Variants in UBE2E1 observed in about 807,000 individuals in gnomAD.
The protein encoded by UBE2E1 is ubiquitin conjugating enzyme E2 E1, also known as ubiquitin-conjugating enzyme E2 E1.
A neutral mutation model predicts 21.4 loss-of-function variants in UBE2E1; 6 were observed. The ratio of observed to expected loss-of-function variants is 0.28; its 90% confidence interval spans 0.15 to 0.55. UBE2E1 has a LOEUF of 0.55. Ranked by LOEUF, UBE2E1 falls within the 20% of genes least tolerant of loss-of-function variation. UBE2E1 has a pLI of 0.93. For missense variants in UBE2E1, 142 were observed against 236.5 expected (o/e 0.60, Z 2.62); for synonymous variants, 87 against 82.7 (o/e 1.05, Z -0.28).
At chr3:23,821,421 G>A (rs1699642288) in intron 3 of UBE2E1, among the ~76,000 whole-genome samples, 2 of 152,226 alleles carry the variant, frequency 1.3e-5, no homozygotes, top group African/African-American at 2.4e-5. Context: ...TATGTAAACC[G>A]TGCTAAGTAG....
intron 3 of UBE2E1, among the ~76,000 whole-genome samples, chr3:23,868,409 A>G (rs1173910692): frequency 6.6e-6 from 1 of 152,030 alleles, no homozygotes; most frequent in African/African-American, 2.4e-5. Flanking sequence ...CCTGGGTTCA[A>G]GCTATTCTCC....
chr3:23,865,687 G>A (rs189905855), intron 3 of UBE2E1, among the ~76,000 whole-genome samples: 2 of 152,282 alleles, frequency 1.3e-5, no homozygotes, highest in Admixed American at 1.3e-4. Flanking sequence ...TTCTCTGTTT[G>A]GGGATAATGC....
chr3:23,865,267 T>C (rs1300821273), intron 3 of UBE2E1, among the ~76,000 whole-genome samples: 1 of 152,204 alleles, frequency 6.6e-6, no homozygotes, highest in African/African-American at 2.4e-5. Context: ...AGGCCGCTCA[T>C]AGTTCTCTAG....
chr3:23,821,854 A>T (rs1382753078), intron 3 of UBE2E1, among the ~76,000 whole-genome samples: 3 of 152,176 alleles, frequency 2.0e-5, no homozygotes, highest in Non-Finnish European at 4.4e-5. Flanking sequence ...CCCATGAGGC[A>T]TCCAAATGAA....
At chr3:23,813,732 G>A (rs1347424476) in intron 3 of UBE2E1, among the ~76,000 whole-genome samples, 1 of 152,022 alleles carries the variant, frequency 6.6e-6, no homozygotes, top group Non-Finnish European at 1.5e-5. Flanking sequence ...GGGTAGAGAT[G>A]GGGTTTCACC....
rs189219905 is a variant in UBE2E1, at chr3:23,888,122, A to C, written c.336+423A>C. The stretch of plus-strand genomic sequence containing the variant: ...AGTCTGGGCAACAAAGCAAGACCCC[A>C]AAAAAAGGCAGGGCAGGTCAGGGGG... On this transcript the variant is annotated intron_variant, in intron 4 of 5. Transcript: ENST00000306627. 761 of 420,240 alleles carry C rather than the reference A, an allele frequency of 1.8e-3. 5 individuals are homozygous for C. The highest frequency in any genetic ancestry group is 0.013 in the African/African-American group (638 of 48,594). 26.0% of individuals were successfully genotyped at this position (420,240 alleles called of 1,614,324 possible).
chr3:23,889,665 C>CT, intron 5 of UBE2E1: 2 of 985,386 alleles, frequency 2.0e-6, no homozygotes, highest in Non-Finnish European at 2.4e-6. Context: ...TAGCTGGTCA[C>CT]TGAGATGGCA....
chr3:23,813,140 G>A (rs1699439069), intron 3 of UBE2E1, among the ~76,000 whole-genome samples: 1 of 152,136 alleles, frequency 6.6e-6, no homozygotes, highest in Admixed American at 6.5e-5. Context: ...AAACGTTTGG[G>A]AATTACCTGT....
At chr3:23,830,148 C>T (rs1240436486) in intron 3 of UBE2E1, among the ~76,000 whole-genome samples, 2 of 152,166 alleles carry the variant, frequency 1.3e-5, no homozygotes, top group African/African-American at 4.8e-5. Context: ...CTAATTCTTA[C>T]ATGCATGTGC....
At position 23,890,678 on chromosome 3, in the gene UBE2E1, GGGA is replaced by G; in HGVS notation, c.*75_*77del. ...GCTGCTTATGATTTTGAAGGGGTCA[GGGA>G]GGGTGGGAGTTGGTAAAGAGTAGGG... On this transcript the variant is annotated 3_prime_UTR_variant, in exon 6 of 6. Transcript: ENST00000306627. The G allele has an allele frequency of 3.1e-6, 4 of 1,270,174 alleles. No individual in the cohort carries two copies. In the South Asian group the frequency reaches 5.5e-5, roughly 18 times the overall value. 78.7% of individuals were successfully genotyped at this position (1,270,174 alleles called of 1,614,324 possible).
In UBE2E1 at chr3:23,876,785, C is replaced by T. The variant is rs761083084; in HGVS notation, c.204-10782C>T. On this transcript the variant is annotated intron_variant, in intron 3 of 5. Coordinates refer to ENST00000306627, the MANE Select transcript of UBE2E1 (RefSeq NM_003341.5). The surrounding 1 kb of genome is among the most constrained non-coding windows in gnomAD (Gnocchi z 4.3). ...AGAAAATCAGAACTGTGGCTCACTACTGTAATGTCAGTGCTTTCAGAGGCC... is the reference window on the plus strand; with the variant it reads ...AGAAAATCAGAACTGTGGCTCACTATTGTAATGTCAGTGCTTTCAGAGGCC... Among the ~76,000 whole-genome samples, 1 of 152,090 alleles carries T rather than the reference C, an allele frequency of 6.6e-6. No individual in the cohort carries two copies. Among genetic ancestry groups the T allele is most frequent in the Non-Finnish European group, 1.5e-5 (1 of 68,028 alleles).
intron 5 of UBE2E1, chr3:23,889,826 G>A (rs1220758449): frequency 1.1e-6 from 1 of 910,676 alleles, no homozygotes; most frequent in Non-Finnish European, 1.3e-6. Context: ...GAAGGTCAAA[G>A]CTGCAGTGAG....
rs1336417875 is a variant in UBE2E1 at position 23,844,272 on chromosome 3, C to T, written c.203+32762C>T. Among the ~76,000 whole-genome samples, 3 of 152,074 alleles carry T rather than the reference C, an allele frequency of 2.0e-5. No individual in the cohort carries two copies. The South Asian group carries it at 6.2e-4, about 32-fold the overall frequency. On this transcript the variant is annotated intron_variant, in intron 3 of 5. Transcript: ENST00000306627. ...TGCCCCAAAAGCACCCATTCTAATG[C>T]CTTTCACTATATTGTTTGTGTTCTT...
At chr3:23,857,019 AGAG>A (rs1285728669) in intron 3 of UBE2E1, among the ~76,000 whole-genome samples, 8 of 84,906 alleles carry the variant, frequency 9.4e-5, no homozygotes, top group African/African-American at 1.9e-4. Flanking sequence ...AAAAAAAAAA[AGAG>A]AGAGAATGAG....
At chr3:23,890,336 T>G (rs973668466) in intron 5 of UBE2E1, among the ~76,000 whole-genome samples, 173 bp from the exon 6 acceptor site, 5 of 152,200 alleles carry the variant, frequency 3.3e-5, no homozygotes, top group African/African-American at 4.8e-5. Flanking sequence ...CCCCCAACGT[T>G]ATGTTTTTTT....
At chr3:23,878,277 A>T (rs1700960848) in intron 3 of UBE2E1, among the ~76,000 whole-genome samples, 1 of 152,224 alleles carries the variant, frequency 6.6e-6, no homozygotes, top group Non-Finnish European at 1.5e-5. Flanking sequence ...AGACAGGCAA[A>T]CCAGGCTGTA....
In UBE2E1 at chr3:23,887,432, C is replaced by T. The variant is rs184562123; in HGVS notation, c.204-135C>T. 8.1e-7 allele frequency: 1 copy of T among 1,234,362 alleles called. No individual in the cohort carries two copies. Among genetic ancestry groups the T allele is most frequent in the East Asian group, 2.5e-5 (1 of 40,082 alleles). The allele number at this position is 1,234,362 out of a possible 1,614,324, so 76.5% of individuals were successfully genotyped here. ...GTTTGTTGCAGTTCTGCATCCGTTT[C>T]TGTACTTGTTTTGTAAAGAGAATCC... On this transcript the variant is annotated intron_variant, in intron 3 of 5. Transcript: ENST00000306627. This position sits in a 1 kb window ranked among gnomAD's most constrained non-coding sequence, Gnocchi z 4.4.
At chr3:23,820,964 G>T (rs552674746) in intron 3 of UBE2E1, among the ~76,000 whole-genome samples, 1 of 152,298 alleles carries the variant, frequency 6.6e-6, no homozygotes, top group South Asian at 2.1e-4. Context: ...CTTACTTGGA[G>T]AAAAGTTTTA....
At position 23,890,548 on chromosome 3, in the gene UBE2E1, C is replaced by T; in HGVS notation, c.524C>T (p.Thr175Ile). ...GGAAGTATTGCCACTCAGTATATGA[C>T]CAACAGAGCAGAACATGACAGAATG... ...LVGSIATQYM[T>I]NRAEHDRMAR... The change falls in exon 6 of 6, where the codon ACC becomes ATC. Residue 175 changes from threonine to isoleucine, a missense_variant. Physicochemically the swap from Thr to Ile is moderately conservative, Grantham distance 89 (BLOSUM62 -1). This residue lies in a region of UBE2E1 where 87 missense variants were observed against 184.9 expected (regional missense o/e 0.47). Coordinates refer to ENST00000306627, the MANE Select transcript of UBE2E1 (RefSeq NM_003341.5). The T allele has an allele frequency of 2.5e-6, 4 of 1,613,672 alleles. No individual in the cohort carries two copies. The highest frequency in any genetic ancestry group is 3.4e-6 in the Non-Finnish European group (4 of 1,179,836).
Sources: gnomAD v4.1 joint callset for allele counts (sites outside exome capture counted in the v4.1 genomes callset) on GRCh38, gnomAD v4.1.1 for gene constraint, gnomAD v4.1.1 regional missense constraint, Gnocchi (gnomAD v3.1) non-coding constraint, MANE v1.5 for transcripts, NCBI Gene and HGNC (gene_info 2026-07-23, HGNC 2026-07-21) for gene names.